The following PNPT1 variants were observed in gnomAD, a reference collection of about 807,000 sequenced individuals.
PNPT1 encodes polyribonucleotide nucleotidyltransferase 1.
Under a neutral mutation model 119.5 loss-of-function variants are expected in PNPT1, and 53 were observed. The ratio of observed to expected loss-of-function variants is 0.44; its 90% confidence interval spans 0.36 to 0.56. PNPT1 has a LOEUF of 0.56. Among genes scored for constraint, PNPT1 ranks in the 20% least tolerant of loss-of-function variants. PNPT1 has a pLI of 0.00. For missense variants in PNPT1, 948 were observed against 938.5 expected, an observed-to-expected ratio of 1.01 and a Z score of -0.13; for synonymous variants, 357 against 322.1, an observed-to-expected ratio of 1.11 and a Z score of -1.16.
intron 8 of PNPT1, among the ~76,000 whole-genome samples, chr2:55,678,287 A>C (rs1697146875): frequency 6.6e-6 from 1 of 152,186 alleles, no homozygotes; most frequent in Non-Finnish European, 1.5e-5. Flanking sequence ...TCTATTATTC[A>C]TGGCTTCCCC....
chr2:55,652,914 C>A (rs778998896), intron 18 of PNPT1, among the ~76,000 whole-genome samples: 7 of 152,224 alleles, frequency 4.6e-5, no homozygotes, highest in Non-Finnish European at 7.3e-5. Context: ...GTGGCACGAT[C>A]TTGGCTCACT....
rs1217777111 is a variant in PNPT1 at position 55,645,446 on chromosome 2, AC to A, written c.1739-15del. ...CCTTTTTTGCCACTAGAAGAGAAAAACACAAAAATTATAACTACATAAAACA... is the reference window on the plus strand; with the variant it reads ...CCTTTTTTGCCACTAGAAGAGAAAAAACAAAAATTATAACTACATAAAACA... On this transcript the variant is annotated splice_polypyrimidine_tract_variant and intron_variant, in intron 21 of 27. Transcript: ENST00000447944. 6.5e-7 allele frequency: 1 copy of A among 1,540,714 alleles called. No homozygotes were observed. The highest frequency in any genetic ancestry group is 9.0e-7 in the Non-Finnish European group (1 of 1,116,786).
chr2:55,682,733 C>T (rs1323630316), intron 5 of PNPT1, among the ~76,000 whole-genome samples: 1 of 151,876 alleles, frequency 6.6e-6, no homozygotes, highest in South Asian at 2.1e-4. Flanking sequence ...CATAGTGAAA[C>T]CCCCTCTCTA....
At chr2:55,655,615 T>C (rs1187430603) in intron 17 of PNPT1, among the ~76,000 whole-genome samples, 4 of 152,258 alleles carry the variant, frequency 2.6e-5, no homozygotes, top group Non-Finnish European at 5.9e-5. Flanking sequence ...TTTACCTTGG[T>C]ATTTTTTCCT....
chr2:55,657,408 G>T (rs1240585361), intron 15 of PNPT1, among the ~76,000 whole-genome samples: 2 of 148,740 alleles, frequency 1.3e-5, no homozygotes, highest in Admixed American at 1.3e-4. Flanking sequence ...TTTTTTTTAA[G>T]ACAGAGTTCT....
chr2:55,691,867 TA>T (rs1559116644), intron 1 of PNPT1, among the ~76,000 whole-genome samples: 102 of 14,850 alleles, frequency 6.9e-3, no homozygotes, highest in Non-Finnish European at 0.013. Context: ...TATATATATA[TA>T]TATATATATA....
intron 26 of PNPT1, among the ~76,000 whole-genome samples, chr2:55,638,900 G>C (rs980616233): frequency 2.0e-5 from 3 of 151,844 alleles, no homozygotes; most frequent in Non-Finnish European, 4.4e-5. Context: ...TCAGCCTCCA[G>C]AGTAGCTGGG....
At chr2:55,651,305 T>A (rs1696190321) in intron 18 of PNPT1, among the ~76,000 whole-genome samples, 3 of 151,882 alleles carry the variant, frequency 2.0e-5, no homozygotes, top group African/African-American at 7.3e-5. Context: ...CGGGCCATGA[T>A]GACAATGGCG....
At chr2:55,657,460 C>T (rs1696421583) in intron 15 of PNPT1, among the ~76,000 whole-genome samples, 1 of 151,078 alleles carries the variant, frequency 6.6e-6, no homozygotes, top group South Asian at 2.1e-4. Flanking sequence ...GCAATCTCGG[C>T]TCACTGCAAC....
intron 15 of PNPT1, 89 bp from the exon 16 acceptor site, chr2:55,656,460 G>C (rs766834160): frequency 4.3e-6 from 5 of 1,166,118 alleles, no homozygotes; most frequent in Non-Finnish European, 6.1e-6. Context: ...ACAACTTATA[G>C]AACAGTAGAA....
At chr2:55,685,989 T>C (rs997019586) in intron 3 of PNPT1, among the ~76,000 whole-genome samples, 1 of 152,092 alleles carries the variant, frequency 6.6e-6, no homozygotes, top group African/African-American at 2.4e-5. Context: ...TTTCCCCCAA[T>C]ATTTTCGATC....
intron 5 of PNPT1, among the ~76,000 whole-genome samples, chr2:55,683,570 G>A (rs1471269680): frequency 1.4e-5 from 2 of 144,508 alleles, no homozygotes; most frequent in Non-Finnish European, 3.0e-5. Flanking sequence ...CTGAGATCGT[G>A]CCATTGCACT....
chr2:55,678,185 C>T (rs188244291), intron 8 of PNPT1, among the ~76,000 whole-genome samples: 90 of 152,316 alleles, frequency 5.9e-4, no homozygotes, highest in African/African-American at 2.2e-3. Flanking sequence ...TAAACAAACG[C>T]TGTAACTTTC....
chr2:55,647,310 T>C, intron 19 of PNPT1, 37 bp downstream of exon 19: 1 of 1,457,120 alleles, frequency 6.9e-7, no homozygotes, highest in Non-Finnish European at 9.4e-7. Flanking sequence ...ATTTTTAGTC[T>C]TCATTATTAA....
chr2:55,638,050 C>G (rs1572791542), intron 26 of PNPT1, among the ~76,000 whole-genome samples: 1 of 151,516 alleles, frequency 6.6e-6, no homozygotes, highest in East Asian at 1.9e-4. Flanking sequence ...GGCTGTAATC[C>G]CAGAACTTTG....
chr2:55,676,871 A>G (rs2104142485), intron 8 of PNPT1, among the ~76,000 whole-genome samples: 1 of 152,266 alleles, frequency 6.6e-6, no homozygotes, highest in East Asian at 1.9e-4. Context: ...CCAAAAAAAA[A>G]AAAAAAGATT....
chr2:55,652,357 A>G (rs947734568), intron 18 of PNPT1, among the ~76,000 whole-genome samples: 1 of 152,134 alleles, frequency 6.6e-6, no homozygotes, highest in African/African-American at 2.4e-5. Flanking sequence ...CATTCTTATC[A>G]AATTTAATTT....
At chr2:55,667,454 C>T (rs1011505148) in intron 12 of PNPT1, among the ~76,000 whole-genome samples, 4 of 151,978 alleles carry the variant, frequency 2.6e-5, no homozygotes, top group Admixed American at 2.6e-4. Flanking sequence ...ATTAGCTGGG[C>T]ATGGTGGTGG....
At chr2:55,684,420 T>C (rs1346074450) in intron 4 of PNPT1, among the ~76,000 whole-genome samples, 2 of 152,130 alleles carry the variant, frequency 1.3e-5, no homozygotes, top group African/African-American at 4.8e-5. Flanking sequence ...GCCGAGATCG[T>C]GCCACTGCAC....
Sources: allele counts gnomAD v4.1 joint callset (sites outside exome capture counted in the v4.1 genomes callset), GRCh38; gene constraint gnomAD v4.1.1; transcripts MANE v1.5; gene names NCBI Gene and HGNC (gene_info 2026-07-23, HGNC 2026-07-21).